The following RSBN1L variants were observed in gnomAD, a reference collection of about 807,000 sequenced individuals.
RSBN1L encodes lysine-specific demethylase RSBN1L.
Under a neutral mutation model 67.7 loss-of-function variants are expected in RSBN1L, and 30 were observed. The ratio of observed to expected loss-of-function variants is 0.44; its 90% CI spans 0.33 to 0.60. The LOEUF is 0.60. Ranked by LOEUF, RSBN1L falls within the 20% of genes least tolerant of loss-of-function variation. The pLI is 0.02. For missense variants in RSBN1L, 992 were observed against 1,031.7 expected (o/e 0.96, Z 0.53); for synonymous variants, 433 against 387.0 (o/e 1.12, Z -1.39).
At chr7:77,754,812 A>G (rs1791595891) in intron 3 of RSBN1L, among the ~76,000 whole-genome samples, 1 of 152,156 alleles carries the variant, frequency 6.6e-6, no homozygotes, top group South Asian at 2.1e-4. Flanking sequence ...CTCTTTGAAA[A>G]TGAAGAAAAT....
At chr7:77,754,954 C>T (rs1364948918) in intron 3 of RSBN1L, among the ~76,000 whole-genome samples, 1 of 152,020 alleles carries the variant, frequency 6.6e-6, no homozygotes, top group Non-Finnish European at 1.5e-5. Context: ...TTAATGAATG[C>T]TTGTTATTAG....
intron 1 of RSBN1L, among the ~76,000 whole-genome samples, chr7:77,701,216 C>G (rs937992526): frequency 6.6e-6 from 1 of 151,280 alleles, no homozygotes; most frequent in Non-Finnish European, 1.5e-5. Context: ...CCTTCTGTAG[C>G]TGTCCTTACT....
intron 3 of RSBN1L, among the ~76,000 whole-genome samples, chr7:77,759,896 C>T (rs1217751379): frequency 6.6e-6 from 1 of 152,178 alleles, no homozygotes; most frequent in Non-Finnish European, 1.5e-5. Context: ...AGCCAGTGTG[C>T]GTGGTGAGCC....
chr7:77,774,719 C>G (rs1791889023), intron 6 of RSBN1L, among the ~76,000 whole-genome samples: 1 of 152,104 alleles, frequency 6.6e-6, no homozygotes, highest in Admixed American at 6.6e-5. Flanking sequence ...CCTGGGGCGA[C>G]AAGAGCAAAA....
chr7:77,727,004 A>G (rs2150418157), intron 1 of RSBN1L, among the ~76,000 whole-genome samples: 1 of 148,570 alleles, frequency 6.7e-6, no homozygotes, highest in East Asian at 2.0e-4. Flanking sequence ...GATGGTCTCA[A>G]TCTCTTGACC....
chr7:77,742,543 A>G (rs1791427263), intron 2 of RSBN1L, among the ~76,000 whole-genome samples: 1 of 152,010 alleles, frequency 6.6e-6, no homozygotes. Flanking sequence ...GTTCAGCAAA[A>G]CCATGTTGTT....
At chr7:77,727,334 G>T (rs1272853509) in intron 1 of RSBN1L, among the ~76,000 whole-genome samples, 9 of 152,138 alleles carry the variant, frequency 5.9e-5, no homozygotes, top group Non-Finnish European at 1.3e-4. Context: ...TGATCTGTCT[G>T]TCTCGGCCTC....
chr7:77,737,934 A>G (rs766746681), intron 2 of RSBN1L, among the ~76,000 whole-genome samples: 3 of 151,884 alleles, frequency 2.0e-5, no homozygotes, highest in Non-Finnish European at 4.4e-5. Context: ...AGGCATGAGA[A>G]TTGCCTGAAC....
chr7:77,776,972 T>C (rs1219234639), intron 6 of RSBN1L, among the ~76,000 whole-genome samples: 3 of 151,974 alleles, frequency 2.0e-5, no homozygotes, highest in Non-Finnish European at 4.4e-5. Flanking sequence ...CTTTATTCTT[T>C]ATTCTTTTGT....
intron 3 of RSBN1L, among the ~76,000 whole-genome samples, chr7:77,760,072 G>A (rs1023649764): frequency 1.3e-5 from 2 of 152,032 alleles, no homozygotes; most frequent in African/African-American, 2.4e-5. Context: ...AGCAGTTTTC[G>A]TAATTACATA....
At chr7:77,771,973 A>G (rs1310099314) in intron 5 of RSBN1L, among the ~76,000 whole-genome samples, 1 of 152,190 alleles carries the variant, frequency 6.6e-6, no homozygotes. Flanking sequence ...TTCAGGGTAT[A>G]CAACCCATGG....
intron 2 of RSBN1L, among the ~76,000 whole-genome samples, chr7:77,748,904 TG>T (rs1005999315): frequency 6.6e-6 from 1 of 152,094 alleles, no homozygotes; most frequent in African/African-American, 2.4e-5. Flanking sequence ...CCCGTCTGTC[TG>T]TCTGTCTGTC....
chr7:77,743,462 TTG>T (rs10600981), intron 2 of RSBN1L, among the ~76,000 whole-genome samples: 60,917 of 127,358 alleles, frequency 0.48, 13,313 homozygotes, highest in African/African-American at 0.67. Context: ...TAAGTTGGTT[TTG>T]TTTTTTTTTT....
chr7:77,775,757 T>C (rs982920162), intron 6 of RSBN1L, among the ~76,000 whole-genome samples: 1 of 152,190 alleles, frequency 6.6e-6, no homozygotes, highest in African/African-American at 2.4e-5. Flanking sequence ...ATGTCCACTT[T>C]AAAAAATGTG....
chr7:77,727,384 GC>G (rs1168374782), intron 1 of RSBN1L, among the ~76,000 whole-genome samples: 1 of 152,174 alleles, frequency 6.6e-6, no homozygotes, highest in Non-Finnish European at 1.5e-5. Flanking sequence ...ACCACGCCCA[GC>G]CCCCCATCTG....
At chr7:77,719,829 A>G (rs534647293) in intron 1 of RSBN1L, among the ~76,000 whole-genome samples, 3 of 152,324 alleles carry the variant, frequency 2.0e-5, no homozygotes, top group African/African-American at 7.2e-5. Flanking sequence ...CAGTGGTGTG[A>G]TCATGGCTCA....
At chr7:77,727,443 A>G (rs1791219418) in intron 1 of RSBN1L, among the ~76,000 whole-genome samples, 1 of 151,942 alleles carries the variant, frequency 6.6e-6, no homozygotes, top group African/African-American at 2.4e-5. Flanking sequence ...ACTTTTTTTT[A>G]GTTAGTTTTA....
At chr7:77,768,838 A>AGT in intron 5 of RSBN1L, 35 bp downstream of exon 5, 1 of 1,602,260 alleles carries the variant, frequency 6.2e-7, no homozygotes, top group Non-Finnish European at 8.5e-7. Flanking sequence ...GGAGGGGATG[A>AGT]GTGTTTGTAT....
At chr7:77,735,148 T>G (rs1396006411) in intron 1 of RSBN1L, among the ~76,000 whole-genome samples, 1 of 152,186 alleles carries the variant, frequency 6.6e-6, no homozygotes, top group Non-Finnish European at 1.5e-5. Context: ...TAAAAATGTT[T>G]ATTAGCACAT....
Sources: gnomAD v4.1 joint callset for allele counts (sites outside exome capture counted in the v4.1 genomes callset) on GRCh38, gnomAD v4.1.1 for gene constraint, MANE v1.5 for transcripts, NCBI Gene and HGNC (gene_info 2026-07-23, HGNC 2026-07-21) for gene names.